PACRG: variants seen among roughly 807,000 people sequenced by gnomAD.
PACRG encodes parkin coregulated gene protein.
Under a neutral mutation model 29.7 loss-of-function variants are expected in PACRG, and 29 were observed. The observed-to-expected ratio is 0.98, with a 90% confidence interval of 0.73 to 1.33. The LOEUF is 1.33. Among genes scored for constraint, PACRG ranks in the 40% most tolerant of loss-of-function variants. The pLI is 0.00. For synonymous variants in PACRG, 116 were observed against 118.7 expected, an observed-to-expected ratio of 0.98 and a Z score of 0.15; for missense variants, 279 against 316.2, an observed-to-expected ratio of 0.88 and a Z score of 0.89.
At chr6:163,068,823 A>G (rs1811785695) in intron 3 of PACRG, among the ~76,000 whole-genome samples, 1 of 146,992 alleles carries the variant, frequency 6.8e-6, no homozygotes, top group African/African-American at 2.5e-5. Context: ...TTTTATGTTT[A>G]TTCTCTTATC....
At chr6:162,828,269 T>G (rs1788450229) in intron 2 of PACRG, among the ~76,000 whole-genome samples, 1 of 152,198 alleles carries the variant, frequency 6.6e-6, no homozygotes, top group Non-Finnish European at 1.5e-5. Flanking sequence ...TGCAGTACTT[T>G]TAAAACCTGT....
At chr6:163,227,786 G>A (rs1053662388) in intron 4 of PACRG, among the ~76,000 whole-genome samples, 5 of 152,158 alleles carry the variant, frequency 3.3e-5, no homozygotes, top group African/African-American at 7.2e-5. Context: ...CCTCCCTGTG[G>A]CGAGAATGAA....
At chr6:162,773,485 CA>C (rs908722466) in intron 1 of PACRG, among the ~76,000 whole-genome samples, 3 of 119,704 alleles carry the variant, frequency 2.5e-5, no homozygotes, top group Admixed American at 1.8e-4. Context: ...GGTATTTTTA[CA>C]GCTTGTCATT....
At chr6:163,173,584 C>T (rs1779200214) in intron 4 of PACRG, among the ~76,000 whole-genome samples, 1 of 152,222 alleles carries the variant, frequency 6.6e-6, no homozygotes, top group Admixed American at 6.5e-5. Flanking sequence ...GGCTCGTCCT[C>T]ACTGATGAGA....
rs1257665280 is a variant in PACRG, at chr6:162,847,397, G to A, written c.291+33116G>A. ...GCAGGCCCACATTTCTCATCTTTTA[G>A]TGTTTATTGTAACTTCAGTTTCCCC... On this transcript the variant is annotated intron_variant, in intron 2 of 4. Transcript: ENST00000366888. Among the ~76,000 whole-genome samples the A allele has an allele frequency of 2.0e-5, 3 of 152,064 alleles. No individual in the cohort carries two copies. In the South Asian group the frequency reaches 6.2e-4, roughly 32 times the overall value.
chr6:163,184,157 CA>C (rs1227846680), intron 4 of PACRG, among the ~76,000 whole-genome samples: 1 of 152,182 alleles, frequency 6.6e-6, no homozygotes, highest in African/African-American at 2.4e-5. Flanking sequence ...AGATAAAAGA[CA>C]AAAATCAATG....
intron 4 of PACRG, among the ~76,000 whole-genome samples, chr6:163,150,979 A>G (rs1168364202): frequency 2.0e-5 from 3 of 152,220 alleles, no homozygotes; most frequent in Non-Finnish European, 4.4e-5. Flanking sequence ...TTAAAAGTAA[A>G]TCTCTTACTT....
intron 1 of PACRG, among the ~76,000 whole-genome samples, chr6:162,729,637 C>T (rs1779592824): frequency 6.6e-6 from 1 of 152,084 alleles, no homozygotes; most frequent in African/African-American, 2.4e-5. Context: ...AATACCATAA[C>T]CATTCAGGTT....
intron 4 of PACRG, among the ~76,000 whole-genome samples, chr6:163,249,644 T>C (rs547499407): frequency 5.1e-4 from 78 of 152,260 alleles, no homozygotes; most frequent in Middle Eastern, 6.8e-3. Context: ...CTCCGGGTGC[T>C]GTGGAGATTG....
At chr6:163,147,166 G>A (rs1169005535) in intron 4 of PACRG, among the ~76,000 whole-genome samples, 1 of 151,936 alleles carries the variant, frequency 6.6e-6, no homozygotes, top group Non-Finnish European at 1.5e-5. Flanking sequence ...AGGACCATGT[G>A]CTGAACTCTG....
At chr6:163,130,717 G>A (rs1334233184) in intron 4 of PACRG, among the ~76,000 whole-genome samples, 1 of 152,128 alleles carries the variant, frequency 6.6e-6, no homozygotes, top group Non-Finnish European at 1.5e-5. Context: ...TACAAGCCCT[G>A]CTCTTGCCAG....
At chr6:163,231,341 T>C (rs1345932035) in intron 4 of PACRG, among the ~76,000 whole-genome samples, 6 of 152,348 alleles carry the variant, frequency 3.9e-5, no homozygotes, top group African/African-American at 1.4e-4. Flanking sequence ...GTAGTCTGTG[T>C]CATGTTAATC....
intron 1 of PACRG, among the ~76,000 whole-genome samples, chr6:162,795,026 T>C (rs1364811958): frequency 7.9e-5 from 12 of 151,788 alleles, no homozygotes; most frequent in Admixed American, 7.9e-4. Flanking sequence ...AATGGGGTGG[T>C]TGTGGTAGGT....
At chr6:163,302,058 A>G (rs1455856474) in intron 4 of PACRG, among the ~76,000 whole-genome samples, 1 of 152,226 alleles carries the variant, frequency 6.6e-6, no homozygotes, top group African/African-American at 2.4e-5. Flanking sequence ...TAAAAATGTA[A>G]CTCGGACAAA....
chr6:163,269,635 C>G (rs1042998322), intron 4 of PACRG, among the ~76,000 whole-genome samples: 5 of 151,928 alleles, frequency 3.3e-5, no homozygotes, highest in Non-Finnish European at 7.4e-5. Flanking sequence ...AAAGATATCC[C>G]ACCCCACCAA....
intron 4 of PACRG, among the ~76,000 whole-genome samples, chr6:163,293,369 C>T (rs1784681489): frequency 6.6e-6 from 1 of 152,190 alleles, no homozygotes; most frequent in African/African-American, 2.4e-5. Context: ...CCAAAGCCAG[C>T]CCTTAGCTCC....
chr6:163,197,748 G>A (rs1409066710), intron 4 of PACRG, among the ~76,000 whole-genome samples: 1 of 151,866 alleles, frequency 6.6e-6, no homozygotes. Context: ...TGAGCCCGCC[G>A]GCTATTTTCT....
At chr6:163,273,688 C>T (rs1487952480) in intron 4 of PACRG, among the ~76,000 whole-genome samples, 1 of 151,958 alleles carries the variant, frequency 6.6e-6, no homozygotes, top group Non-Finnish European at 1.5e-5. Flanking sequence ...TTGATATTTC[C>T]TGTTTGCAAG....
chr6:162,973,713 T>C (rs934740342), intron 2 of PACRG, among the ~76,000 whole-genome samples: 3 of 152,186 alleles, frequency 2.0e-5, no homozygotes, highest in Non-Finnish European at 2.9e-5. Context: ...AAAAAAGTGC[T>C]AGAAATAAAT....
Sources: allele counts gnomAD v4.1 joint callset (sites outside exome capture counted in the v4.1 genomes callset), GRCh38; gene constraint gnomAD v4.1.1; transcripts MANE v1.5; gene names NCBI Gene and HGNC (gene_info 2026-07-23, HGNC 2026-07-21).